The following ZFR variants were observed in gnomAD, a reference collection of about 807,000 sequenced individuals.
ZFR encodes zinc finger RNA binding protein.
In ZFR, 19 loss-of-function variants were observed where a neutral mutation model predicts 130.7. The ratio of observed to expected loss-of-function variants is 0.15; its 90% CI spans 0.10 to 0.21. The LOEUF (loss-of-function observed/expected upper bound fraction) is 0.21. Among genes scored for constraint, ZFR ranks in the 10% least tolerant of loss-of-function variants. ZFR has a pLI of 1.00. For missense variants in ZFR, 872 were observed against 1,321.5 expected, an observed-to-expected ratio of 0.66 and a Z score of 5.27; for synonymous variants, 466 against 456.9, an observed-to-expected ratio of 1.02 and a Z score of -0.25.
At chr5:32,375,332 T>C (rs1752778021) in intron 17 of ZFR, among the ~76,000 whole-genome samples, 1 of 152,220 alleles carries the variant, frequency 6.6e-6, no homozygotes, top group Non-Finnish European at 1.5e-5. Flanking sequence ...AATAAAAGGC[T>C]ATATACCGTC....
At chr5:32,412,944 C>T (rs1271854921) in intron 5 of ZFR, among the ~76,000 whole-genome samples, 1 of 152,098 alleles carries the variant, frequency 6.6e-6, no homozygotes, top group East Asian at 1.9e-4. Flanking sequence ...AATCCCAGCA[C>T]TCTGGGAGGC....
At chr5:32,417,056 T>C (rs1452611462) in intron 4 of ZFR, among the ~76,000 whole-genome samples, 6 of 87,834 alleles carry the variant, frequency 6.8e-5, no homozygotes, top group Admixed American at 1.5e-4. Flanking sequence ...GTGCTTTCCC[T>C]CCCCCCACCC....
Position 32,395,022 on chromosome 5 carries a change from C to T in ZFR, c.1979+137G>A, listed in dbSNP as rs189001186. 5 of 1,245,778 alleles carry T rather than the reference C, an allele frequency of 4.0e-6. No individual in the cohort carries two copies. In the East Asian group the frequency reaches 8.0e-5, roughly 20 times the overall value. 77.2% of individuals were successfully genotyped at this position (1,245,778 alleles called of 1,614,324 possible). On this transcript the variant is annotated intron_variant, in intron 11 of 19. Transcript: ENST00000265069. ...ATTTTAATGCATGTCTTTCCTAGAC[C>T]TAGGATCTTCCTCAAGAGTGAAAAT...
chr5:32,443,958 C>A (rs953780288), intron 2 of ZFR, among the ~76,000 whole-genome samples: 1 of 151,984 alleles, frequency 6.6e-6, no homozygotes, highest in Non-Finnish European at 1.5e-5. Context: ...TAAGGGGCCG[C>A]TGAAGGGCCC....
rs776132827 is a variant in ZFR, at chr5:32,415,165, T to C, written c.588A>G (p.Gln196=). The part of the protein sequence containing the change: ...YQTAPKAGYS[Q]GATQYTQAQQ... Reference sequence around the variant, plus strand: ...GGGCTTGAGTATACTGAGTTGCACCTTGGCTGTAACCTGCTTTGGGGGCTG... The same window carrying C: ...GGGCTTGAGTATACTGAGTTGCACCCTGGCTGTAACCTGCTTTGGGGGCTG... The change falls in exon 5 of 20, where the codon CAA becomes CAG. Residue 196 remains glutamine (Q), a synonymous_variant. Coordinates refer to ENST00000265069, the MANE Select transcript of ZFR (RefSeq NM_016107.5). The C allele has an allele frequency of 8.1e-6, 13 of 1,614,048 alleles. No individual in the cohort carries two copies. In the South Asian group the frequency reaches 1.1e-4, roughly 14 times the overall value.
chr5:32,371,696 T>C (rs548243795), intron 17 of ZFR, among the ~76,000 whole-genome samples: 23 of 152,200 alleles, frequency 1.5e-4, no homozygotes, highest in Non-Finnish European at 2.1e-4. Flanking sequence ...TTTGCTATCC[T>C]GAAGACTTTG....
In ZFR at chr5:32,424,268, G is replaced by A. The variant is rs139630762; in HGVS notation, c.138-4165C>T. ...TGATTAAGAAAAAAAGGTAGGCTGG[G>A]CGTGGTGGCTCACGCCTGTAATCCC... On this transcript the variant is annotated intron_variant, in intron 2 of 19. Coordinates refer to ENST00000265069, the MANE Select transcript of ZFR (RefSeq NM_016107.5). 2.0e-3 allele frequency among the ~76,000 whole-genome samples: 302 copies of A among 152,326 alleles called. 1 individual carries two copies. The highest frequency in any genetic ancestry group is 7.1e-3 in the African/African-American group (295 of 41,586).
rs1317194139 is a variant in ZFR at position 32,420,851 on chromosome 5, AC to A, written c.138-749del. Among the ~76,000 whole-genome samples, 3 of 152,146 alleles carry A rather than the reference AC, an allele frequency of 2.0e-5. No individual in the cohort carries two copies. The East Asian group carries it at 5.8e-4, about 29-fold the overall frequency. ...GAGAAGTTCTGTTCCAGGGTACAAAACCTACAATGGAATATCTATTATTTTA... is the reference window on the plus strand; with the variant it reads ...GAGAAGTTCTGTTCCAGGGTACAAAACTACAATGGAATATCTATTATTTTA... On this transcript the variant is annotated intron_variant, in intron 2 of 19. Coordinates refer to ENST00000265069, the MANE Select transcript of ZFR (RefSeq NM_016107.5).
intron 12 of ZFR, 27 bp from the exon 13 acceptor site, chr5:32,388,701 TA>T (rs759202758): frequency 1.6e-5 from 25 of 1,555,308 alleles, no homozygotes; most frequent in South Asian, 4.9e-5. Context: ...TTGCTCAATT[TA>T]AAAAAAAGTT....
intron 10 of ZFR, 138 bp from the exon 11 acceptor site, chr5:32,395,442 T>C (rs1440139066): frequency 1.0e-5 from 6 of 584,474 alleles, no homozygotes; most frequent in African/African-American, 1.9e-5. Context: ...AAAATCAATA[T>C]AATTAAGGTA....
Position 32,406,843 on chromosome 5 carries a change from T to C in ZFR, c.963A>G (p.Pro321=). ...TCTGTGGTGGTTTGGGAGGCTGTTT[T>C]GGTTTCAGTTGTTTATTTTGGAATG... is the stretch of plus-strand genomic sequence containing the variant. ...KAPFQNKQLK[P]KQPPKPPQIH... is the part of the protein sequence containing the mutation. Residue 321 remains proline, a synonymous_variant, in exon 6 of 20, where the codon CCA becomes CCG. Transcript: ENST00000265069. 6.2e-7 allele frequency: 1 copy of C among 1,614,128 alleles called. No homozygotes were observed.
intron 5 of ZFR, among the ~76,000 whole-genome samples, chr5:32,410,134 A>G (rs946126788): frequency 6.6e-6 from 1 of 151,922 alleles, no homozygotes; most frequent in Admixed American, 6.6e-5. Flanking sequence ...GTGAAACCCC[A>G]TCTCAACTAA....
At chr5:32,359,113 G>A in intron 19 of ZFR, among the ~76,000 whole-genome samples, 1 of 151,828 alleles carries the variant, frequency 6.6e-6, no homozygotes, top group Non-Finnish European at 1.5e-5. Flanking sequence ...GAGACGGGGA[G>A]GTTGAGGCTG....
At chr5:32,400,354 A>C in intron 8 of ZFR, 151 bp from the exon 9 acceptor site, 1 of 567,474 alleles carries the variant, frequency 1.8e-6, no homozygotes. Context: ...AACTACATAA[A>C]CTACTTGGCT....
chr5:32,437,074 T>C (rs973333727), intron 2 of ZFR, among the ~76,000 whole-genome samples: 1 of 152,228 alleles, frequency 6.6e-6, no homozygotes, highest in Non-Finnish European at 1.5e-5. Context: ...CAGTCTCTAT[T>C]ATATCATGCA....
chr5:32,368,243 T>G (rs901489336), intron 17 of ZFR, among the ~76,000 whole-genome samples: 1 of 1,460 alleles, frequency 6.8e-4, no homozygotes, highest in Admixed American at 8.2e-3. Flanking sequence ...CAAAACTTTT[T>G]TCCCCCCCCA....
intron 17 of ZFR, among the ~76,000 whole-genome samples, chr5:32,370,331 GA>G (rs1752639178): frequency 3.2e-5 from 1 of 31,426 alleles, no homozygotes; most frequent in Non-Finnish European, 6.5e-5. Flanking sequence ...GAGAGAGAGA[GA>G]GAGAGAGAGA....
intron 2 of ZFR, among the ~76,000 whole-genome samples, chr5:32,426,737 A>G (rs1219778009): frequency 5.9e-5 from 9 of 152,184 alleles, no homozygotes; most frequent in Admixed American, 5.2e-4. Flanking sequence ...CCCTGTCTCT[A>G]ATAAAACTAC....
rs558775357 is a variant in ZFR, at chr5:32,406,653, A to G, written c.1032+121T>C. On this transcript the variant is annotated intron_variant, in intron 6 of 19. Coordinates refer to ENST00000265069, the MANE Select transcript of ZFR (RefSeq NM_016107.5). ...TGCCACAATACAAGTAACTTAAAAA[A>G]TGCACTGGCTAAAAGCTAACAGGAA... The G allele has an allele frequency of 6.1e-5, 82 of 1,336,808 alleles. No individual in the cohort carries two copies. In the African/African-American group the frequency reaches 9.7e-4, roughly 16 times the overall value. 82.8% of individuals were successfully genotyped at this position (1,336,808 alleles called of 1,614,324 possible). A position where few individuals can be genotyped will look rare whatever the true frequency, so the allele number is the denominator to read the frequency against.
Sources: gnomAD v4.1 joint callset for allele counts (sites outside exome capture counted in the v4.1 genomes callset) on GRCh38, gnomAD v4.1.1 for gene constraint, MANE v1.5 for transcripts, NCBI Gene and HGNC (gene_info 2026-07-23, HGNC 2026-07-21) for gene names.